The following PIGS variants were observed in gnomAD, a reference collection of about 807,000 sequenced individuals.
PIGS encodes GPI-anchor transamidase component PIGS.
A neutral mutation model predicts 58.2 loss-of-function variants in PIGS; 37 were observed. The ratio of observed to expected loss-of-function variants is 0.64; its 90% CI spans 0.49 to 0.84. The LOEUF (loss-of-function observed/expected upper bound fraction) is 0.84, where lower values mean the gene tolerates loss of function less well. Ranked by LOEUF, PIGS falls within the 40% of genes least tolerant of loss-of-function variation. The probability of loss-of-function intolerance (pLI) is 0.00; values close to 1 mark genes in which losing one functional copy is unlikely to be tolerated. For missense variants in PIGS, 629 were observed against 710.8 expected (o/e 0.88, Z 1.31); for synonymous variants, 269 against 289.2 (o/e 0.93, Z 0.71).
intron 3 of PIGS, among the ~76,000 whole-genome samples, chr17:28,564,829 A>G (rs1475449706): frequency 1.3e-5 from 2 of 152,162 alleles, no homozygotes; most frequent in African/African-American, 2.4e-5. Flanking sequence ...CAGTGACCTG[A>G]GATGGCACCA....
At chr17:28,561,296 CAT>C in intron 6 of PIGS, 124 bp downstream of exon 6, 1 of 614,664 alleles carries the variant, frequency 1.6e-6, no homozygotes, top group Admixed American at 4.2e-5. Context: ...ATAATAATAA[CAT>C]AAAATAAATA....
chr17:28,562,341 C>T (rs2070369016), intron 5 of PIGS, among the ~76,000 whole-genome samples: 1 of 152,218 alleles, frequency 6.6e-6, no homozygotes, highest in Admixed American at 6.5e-5. Context: ...GAAGTACACA[C>T]CGTGCTACTG....
In PIGS at chr17:28,570,702, G is replaced by GC; in HGVS notation, c.286+149_286+150insG. Reference sequence around the variant, plus strand: ...TTTAGTGACTGTGAATTTGAAAGTAGTTTTTTTCTGACCAAACACACTGTT... The same window carrying GC: ...TTTAGTGACTGTGAATTTGAAAGTAGCTTTTTTTCTGACCAAACACACTGTT... On this transcript the variant is annotated intron_variant, in intron 3 of 11. Coordinates refer to ENST00000308360, the MANE Select transcript of PIGS (RefSeq NM_033198.4). 3 of 739,744 alleles carry GC rather than the reference G, an allele frequency of 4.1e-6. No individual in the cohort carries two copies. The South Asian group carries it at 5.5e-5, about 14-fold the overall frequency. 45.8% of individuals were successfully genotyped at this position (739,744 alleles called of 1,614,324 possible).
intron 3 of PIGS, 66 bp from the exon 4 acceptor site, chr17:28,563,973 C>T (rs2070380614): frequency 4.4e-6 from 6 of 1,374,352 alleles, no homozygotes; most frequent in Non-Finnish European, 6.2e-6. Context: ...CCTTCCCAGA[C>T]CTAACACTGT....
intron 4 of PIGS, 50 bp downstream of exon 4, chr17:28,563,768 A>C (rs2070378826): frequency 6.5e-7 from 1 of 1,539,506 alleles, no homozygotes; most frequent in Non-Finnish European, 9.0e-7. Context: ...AGAGATCAGA[A>C]GGAAAAAGAG....
intron 10 of PIGS, 188 bp downstream of exon 10, chr17:28,555,978 A>T (rs755970956): frequency 1.7e-6 from 1 of 584,656 alleles, no homozygotes; most frequent in African/African-American, 1.9e-5. Flanking sequence ...CAAAAAAAAA[A>T]ATAAATGATT....
intron 3 of PIGS, among the ~76,000 whole-genome samples, chr17:28,564,268 TAAAAAAC>T (rs2070382454): frequency 6.6e-6 from 1 of 152,258 alleles, no homozygotes; most frequent in African/African-American, 2.4e-5. Context: ...ATGTTCCTGA[TAAAAAAC>T]AAAATACACA....
chr17:28,554,525 C>T lies in PIGS; in HGVS notation c.1393-30G>A, dbSNP rs774455752. Reference sequence around the variant, plus strand: ...GAAGGAGAAGGGACAAGAGGGTATACCAGTAAGTCCTAGGCATTGGTGGAA... The same window carrying T: ...GAAGGAGAAGGGACAAGAGGGTATATCAGTAAGTCCTAGGCATTGGTGGAA... On this transcript the variant is annotated intron_variant, in intron 11 of 11. Coordinates refer to ENST00000308360, the MANE Select transcript of PIGS (RefSeq NM_033198.4). 3 of 1,604,888 alleles carry T rather than the reference C, an allele frequency of 1.9e-6. No individual in the cohort carries two copies. In the African/African-American group the frequency reaches 4.0e-5, roughly 21 times the overall value.
rs1299972897 is a variant in PIGS at position 28,558,606 on chromosome 17, G to T, written c.820-16C>A. The stretch of plus-strand genomic sequence containing the variant: ...AGTAAAGAATCTGTAGAGCAAACAG[G>T]GAGTGGTTACTTTGTTTAGATTTAT... On this transcript the variant is annotated splice_polypyrimidine_tract_variant and intron_variant, in intron 7 of 11. Coordinates refer to ENST00000308360, the MANE Select transcript of PIGS (RefSeq NM_033198.4). The T allele has an allele frequency of 6.4e-7, 1 of 1,573,078 alleles. No individual in the cohort carries two copies. Among genetic ancestry groups the T allele is most frequent in the South Asian group, 1.1e-5 (1 of 87,238 alleles).
chr17:28,556,586 G>A (rs1473081565), intron 9 of PIGS: 1 of 705,362 alleles, frequency 1.4e-6, no homozygotes, highest in Non-Finnish European at 2.5e-6. Flanking sequence ...GATCTAAGAT[G>A]GACACAGAAT....
intron 3 of PIGS, among the ~76,000 whole-genome samples, chr17:28,565,787 T>C (rs1290612999): frequency 6.6e-6 from 1 of 152,124 alleles, no homozygotes; most frequent in East Asian, 1.9e-4. Context: ...CCCAGCACTT[T>C]AGGAGGCCAA....
Position 28,560,038 on chromosome 17 carries a change from C to T in PIGS, c.819+11G>A. 3 of 1,597,172 alleles carry T rather than the reference C, an allele frequency of 1.9e-6. No homozygotes were observed. Among genetic ancestry groups the T allele is most frequent in the Non-Finnish European group, 2.6e-6 (3 of 1,173,728 alleles). ...ATTGAAAAGGACTCCTCAACTTGCT[C>T]CCGGTCTCACCTGAGAGTCCACAGA... On this transcript the variant is annotated intron_variant, in intron 7 of 11. Coordinates refer to ENST00000308360, the MANE Select transcript of PIGS (RefSeq NM_033198.4).
Position 28,560,154 on chromosome 17 carries a change from G to A in PIGS, c.714C>T (p.Pro238=), listed in dbSNP as rs1191339383. 1.9e-6 allele frequency: 3 copies of A among 1,612,692 alleles called. No homozygotes were observed. The highest frequency in any genetic ancestry group is 2.5e-6 in the Non-Finnish European group (3 of 1,179,382). Residue 238 remains proline, a synonymous_variant, in exon 7 of 12, where the codon CCC becomes CCT. Transcript: ENST00000308360. ...EITFSLLNPD[P]KSHDVYWDIE... ...TGTCCCAGTAGACATCATGGGACTT[G>A]GGGTCTGGGTTGAGTAAACTGAAGG...
rs1425985235 is a variant in PIGS at position 28,563,711 on chromosome 17, C to T, written c.376+107G>A. ...CCCACAGTTCCTCATTCCCAGCATTCCAAGAGAGGTTTTGGAAGTAAGCCA... is the reference window on the plus strand; with the variant it reads ...CCCACAGTTCCTCATTCCCAGCATTTCAAGAGAGGTTTTGGAAGTAAGCCA... On this transcript the variant is annotated intron_variant, in intron 4 of 11. Coordinates refer to ENST00000308360, the MANE Select transcript of PIGS (RefSeq NM_033198.4). 6.0e-6 allele frequency: 8 copies of T among 1,334,650 alleles called. No individual in the cohort carries two copies. In the Admixed American group the frequency reaches 1.0e-4, roughly 18 times the overall value. 82.7% of individuals were successfully genotyped at this position (1,334,650 alleles called of 1,614,324 possible).
chr17:28,554,533 T>A, intron 11 of PIGS, 38 bp from the exon 12 acceptor site: 1 of 1,595,010 alleles, frequency 6.3e-7, no homozygotes, highest in Non-Finnish European at 8.6e-7. Context: ...TACCAGTAAG[T>A]CCTAGGCATT....
intron 11 of PIGS, 149 bp downstream of exon 11, chr17:28,554,702 T>G: frequency 8.3e-7 from 1 of 1,211,548 alleles, no homozygotes; most frequent in Non-Finnish European, 1.2e-6. Flanking sequence ...GCTTGGGGGC[T>G]GGTACTGCCG....
chr17:28,563,522 T>C lies in PIGS; in HGVS notation c.377A>G (p.Glu126Gly), dbSNP rs1307204314. The C allele has an allele frequency of 6.2e-7, 1 of 1,613,714 alleles. No individual in the cohort carries two copies. The highest frequency in any genetic ancestry group is 8.5e-7 in the Non-Finnish European group (1 of 1,179,872). ...AGGCTCATCTAACATGGCTTCTGCC[T>C]CTGGGGGCAAGAACAGGTGGTACAC... ...EEALSSGSVQ[E>G]AEAMLDEPQE... Residue 126 changes from glutamate to glycine, a missense_variant and splice_region_variant, in exon 5 of 12, where the codon GAG (glutamate) becomes GGG (glycine). By Grantham distance (98) the Glu-to-Gly change is moderately conservative. Coordinates refer to ENST00000308360, the MANE Select transcript of PIGS (RefSeq NM_033198.4).
At chr17:28,571,278 C>G (rs2070427496) in intron 1 of PIGS, 90 bp from the exon 2 acceptor site, 1 of 1,545,784 alleles carries the variant, frequency 6.5e-7, no homozygotes, top group Non-Finnish European at 8.8e-7. Context: ...CCACCGGCCT[C>G]CAGGGGCCCG....
At position 28,554,265 on chromosome 17, in the gene PIGS, G is replaced by A. The variant is rs1179440231; in HGVS notation, c.1623C>T (p.Phe541=). Residue 541 remains phenylalanine, a synonymous_variant, in exon 12 of 12, where the codon TTC becomes TTT. Coordinates refer to ENST00000308360, the MANE Select transcript of PIGS (RefSeq NM_033198.4). ...TTCTCCAGGACTTGCGGGTCTCCAGGAAGATCTTGACCAGGGACAGGAGGA... is the reference window on the plus strand; with the variant it reads ...TTCTCCAGGACTTGCGGGTCTCCAGAAAGATCTTGACCAGGGACAGGAGGA... The part of the protein sequence containing the change: ...VPILLSLVKI[F]LETRKSWRKP... 2.5e-6 allele frequency: 4 copies of A among 1,614,072 alleles called. No individual in the cohort carries two copies. Among genetic ancestry groups the A allele is most frequent in the Admixed American group, 1.7e-5 (1 of 60,012 alleles).
Sources: gnomAD v4.1 joint callset for allele counts (sites outside exome capture counted in the v4.1 genomes callset) on GRCh38, gnomAD v4.1.1 for gene constraint, MANE v1.5 for transcripts, NCBI Gene and HGNC (gene_info 2026-07-23, HGNC 2026-07-21) for gene names.